Variants in ALK observed in about 807,000 individuals in gnomAD.
The protein encoded by ALK is ALK tyrosine kinase receptor.
In ALK, 74 loss-of-function variants were observed where a neutral mutation model predicts 163.1. That is an observed-to-expected ratio of 0.45 (90% CI 0.38 to 0.55). The LOEUF is 0.55. Ranked by LOEUF, ALK falls within the 20% of genes least tolerant of loss-of-function variation. The pLI is 0.00. For missense variants in ALK, 2,063 were observed against 2,105.3 expected, an observed-to-expected ratio of 0.98 and a Z score of 0.39; for synonymous variants, 960 against 843.2, an observed-to-expected ratio of 1.14 and a Z score of -2.40.
intron 4 of ALK, among the ~76,000 whole-genome samples, chr2:29,418,493 A>G (rs1434117761): frequency 2.6e-5 from 4 of 152,210 alleles, no homozygotes; most frequent in African/African-American, 7.2e-5. Context: ...TCTTACATGC[A>G]TATATTAAGA....
rs555422614 is a variant in ALK, at chr2:29,256,176, C to T, written c.2042-4909G>A. The stretch of plus-strand genomic sequence containing the variant: ...AGTTAGCAAGAGTGGTTCCAGGGGA[C>T]AGGAGGAGTCAAGGTGAGCCTTGAT... On this transcript the variant is annotated intron_variant, in intron 11 of 28. Transcript: ENST00000389048. Among the ~76,000 whole-genome samples the T allele has an allele frequency of 2.6e-5, 4 of 152,278 alleles. No individual in the cohort carries two copies. The South Asian group carries it at 8.3e-4, about 32-fold the overall frequency.
At chr2:29,617,654 C>A (rs1026899762) in intron 3 of ALK, among the ~76,000 whole-genome samples, 1 of 152,200 alleles carries the variant, frequency 6.6e-6, no homozygotes, top group Non-Finnish European at 1.5e-5. Flanking sequence ...AGAAACCCCC[C>A]TTCCCTTGAC....
chr2:29,290,581 C>CT (rs1212165264), intron 9 of ALK, among the ~76,000 whole-genome samples: 4 of 152,226 alleles, frequency 2.6e-5, no homozygotes, highest in African/African-American at 9.6e-5. Flanking sequence ...TGAAGCAGGG[C>CT]TCTATTTAGC....
intron 8 of ALK, among the ~76,000 whole-genome samples, chr2:29,314,914 G>T (rs1166658316): frequency 6.6e-6 from 1 of 152,112 alleles, no homozygotes; most frequent in Non-Finnish European, 1.5e-5. Flanking sequence ...CACATCCGCG[G>T]GTGTCTCAAA....
intron 4 of ALK, among the ~76,000 whole-genome samples, chr2:29,473,707 G>GA (rs57724229): frequency 3.9e-4 from 59 of 150,308 alleles, no homozygotes; most frequent in Middle Eastern, 6.8e-3. Flanking sequence ...CATCTCTACT[G>GA]AAAAAAAAAA....
At chr2:29,238,460 T>G (rs114850005) in intron 13 of ALK, among the ~76,000 whole-genome samples, 11,361 of 152,254 alleles carry the variant, frequency 0.075, 530 homozygotes, top group Non-Finnish European at 0.11. Flanking sequence ...GCCTTCCAAC[T>G]TGCTGGGATT....
At chr2:29,848,935 G>A (rs1004535347) in intron 1 of ALK, among the ~76,000 whole-genome samples, 1 of 152,178 alleles carries the variant, frequency 6.6e-6, no homozygotes, top group African/African-American at 2.4e-5. Flanking sequence ...TACGTGGACT[G>A]ATTGGCCACA....
chr2:29,343,008 G>A (rs1358463507), intron 5 of ALK, among the ~76,000 whole-genome samples: 8 of 142,138 alleles, frequency 5.6e-5, no homozygotes, highest in East Asian at 4.4e-4. Context: ...TCAGCCTCCC[G>A]AGTAGCTGGA....
chr2:29,432,451 C>T (rs1460596065), intron 4 of ALK, among the ~76,000 whole-genome samples: 4 of 152,130 alleles, frequency 2.6e-5, no homozygotes, highest in Non-Finnish European at 5.9e-5. Flanking sequence ...GTTCCATGTT[C>T]GTACAGCCTG....
chr2:29,307,858 A>G (rs1001548752), intron 8 of ALK, among the ~76,000 whole-genome samples: 9 of 152,210 alleles, frequency 5.9e-5, no homozygotes, highest in African/African-American at 1.7e-4. Flanking sequence ...CTGGTCTTGC[A>G]GGATACTTAA....
At chr2:29,248,121 G>A (rs1248135375) in intron 12 of ALK, among the ~76,000 whole-genome samples, 4 of 152,080 alleles carry the variant, frequency 2.6e-5, no homozygotes, top group African/African-American at 9.7e-5. Flanking sequence ...GGCCAAGGAG[G>A]AGGTGAGGGT....
rs532439279 is a variant in ALK at position 29,220,188 on chromosome 2, T to C, written c.3645+518A>G. Among the ~76,000 whole-genome samples the C allele has an allele frequency of 2.0e-3, 307 of 152,278 alleles. 2 individuals are homozygous for C. Among genetic ancestry groups the C allele is most frequent in the African/African-American group, 6.6e-3 (276 of 41,564 alleles). ...GGAGGAGGGGCCTGGTGGGAGGTGA[T>C]TGGACCATGGGTGGATTTCCCCCTT... On this transcript the variant is annotated intron_variant, in intron 23 of 28. Transcript: ENST00000389048.
At chr2:29,440,151 T>G (rs944087492) in intron 4 of ALK, among the ~76,000 whole-genome samples, 22 of 151,658 alleles carry the variant, frequency 1.5e-4, no homozygotes, top group Non-Finnish European at 2.5e-4. Context: ...GGAGAATCAC[T>G]TGAACCTGGG....
intron 13 of ALK, among the ~76,000 whole-genome samples, chr2:29,235,843 C>G (rs1394869662): frequency 7.2e-6 from 1 of 139,324 alleles, no homozygotes; most frequent in Non-Finnish European, 1.5e-5. Flanking sequence ...CAGGCACAAG[C>G]TACCAGGCTC....
intron 3 of ALK, among the ~76,000 whole-genome samples, chr2:29,691,811 TA>T (rs1318607280): frequency 6.6e-6 from 1 of 152,208 alleles, no homozygotes; most frequent in Non-Finnish European, 1.5e-5. Flanking sequence ...TGGCACTGTT[TA>T]AAAACATTTC....
intron 1 of ALK, among the ~76,000 whole-genome samples, chr2:29,781,150 T>A (rs1383999848): frequency 1.3e-5 from 2 of 152,148 alleles, no homozygotes; most frequent in African/African-American, 4.8e-5. Flanking sequence ...TACACACAAA[T>A]ATTTAAAAGA....
intron 1 of ALK, among the ~76,000 whole-genome samples, chr2:29,886,759 A>C (rs1666996581): frequency 6.6e-6 from 1 of 152,242 alleles, no homozygotes; most frequent in Non-Finnish European, 1.5e-5. Flanking sequence ...ACAACATGGG[A>C]ATCATTATAC....
At chr2:29,357,225 G>T (rs186471929) in intron 5 of ALK, among the ~76,000 whole-genome samples, 44 of 152,292 alleles carry the variant, frequency 2.9e-4, no homozygotes, top group African/African-American at 1.0e-3. Context: ...CCTTCACTAG[G>T]ACTAAATATG....
chr2:29,413,177 A>C (rs1441483517), intron 4 of ALK, among the ~76,000 whole-genome samples: 1 of 152,210 alleles, frequency 6.6e-6, no homozygotes, highest in Non-Finnish European at 1.5e-5. Flanking sequence ...CATGAGACTA[A>C]ATCAAGCACA....
Sources: gnomAD v4.1 joint callset for allele counts (sites outside exome capture counted in the v4.1 genomes callset) on GRCh38, gnomAD v4.1.1 for gene constraint, MANE v1.5 for transcripts, NCBI Gene and HGNC (gene_info 2026-07-23, HGNC 2026-07-21) for gene names.